The following IL1RL1 variants were observed in gnomAD, a reference collection of about 807,000 sequenced individuals.
IL1RL1 encodes the protein interleukin 1 receptor like 1, also known as interleukin-1 receptor-like 1.
IL1RL1 carries 32 observed loss-of-function variants against 50.9 expected under a neutral mutation model. The observed-to-expected ratio is 0.63, with a 90% CI of 0.47 to 0.84. IL1RL1 has a LOEUF of 0.84. IL1RL1 is among the 40% of genes least tolerant of loss of function. The pLI, the probability that IL1RL1 is intolerant of heterozygous loss-of-function variation, is 0.00. For synonymous variants in IL1RL1, 275 were observed against 236.0 expected (o/e 1.17, Z -1.51); for missense variants, 773 against 662.9 (o/e 1.17, Z -1.82).
At chr2:102,324,879 G>T (rs191453763) in intron 1 of IL1RL1, among the ~76,000 whole-genome samples, 2 of 152,194 alleles carry the variant, frequency 1.3e-5, no homozygotes, top group Admixed American at 6.5e-5. Flanking sequence ...AGAGCCCACT[G>T]CAGCTCAAGG....
At chr2:102,322,968 T>G (rs538924314) in intron 1 of IL1RL1, among the ~76,000 whole-genome samples, 2 of 152,296 alleles carry the variant, frequency 1.3e-5, no homozygotes, top group East Asian at 3.9e-4. Context: ...TTTTTTTGTT[T>G]GGAAATGAAC....
rs1233936431 is a variant in IL1RL1 at position 102,351,877 on chromosome 2, A to T, written c.1627A>T (p.Arg543Ter). 4 of 1,613,720 alleles carry T rather than the reference A, an allele frequency of 2.5e-6. No individual in the cohort carries two copies. The highest frequency in any genetic ancestry group is 3.4e-6 in the Non-Finnish European group (4 of 1,179,868). ...YQMPVPSKIP[R>*]KASSLTPLAA... ...AATGCCTGTGCCAAGCAAAATTCCC[A>T]GAAAGGCCTCTAGTTTGACTCCCTT... Residue 543 changes from arginine (R) to a stop codon, truncating the protein, a stop_gained, in exon 11 of 11, where the codon AGA becomes TGA. Transcript: ENST00000233954. LOFTEE classifies it low-confidence loss of function (END_TRUNC).
chr2:102,347,070 T>A (rs1677805212), intron 8 of IL1RL1, among the ~76,000 whole-genome samples: 1 of 152,210 alleles, frequency 6.6e-6, no homozygotes, highest in Non-Finnish European at 1.5e-5. Flanking sequence ...GACTTTTGAA[T>A]TCTTTATCAA....
chr2:102,313,071 C>G (rs1301964277), intron 1 of IL1RL1: 1 of 152,066 alleles, frequency 6.6e-6, no homozygotes. Context: ...AAGCTCTGGA[C>G]TAATGCAGAT....
intron 1 of IL1RL1, among the ~76,000 whole-genome samples, chr2:102,334,263 G>A (rs964637000): frequency 2.3e-4 from 35 of 152,070 alleles, no homozygotes; most frequent in Non-Finnish European, 4.3e-4. Flanking sequence ...TTGAGTTTTT[G>A]ATAATAGCCA....
intron 1 of IL1RL1, among the ~76,000 whole-genome samples, chr2:102,337,826 T>A (rs1248081451): frequency 6.6e-6 from 1 of 152,220 alleles, no homozygotes; most frequent in African/African-American, 2.4e-5. Context: ...TAGAAACTCA[T>A]ATTCTTTCCT....
At chr2:102,344,382 A>C in intron 8 of IL1RL1, 1 of 967,516 alleles carries the variant, frequency 1.0e-6, no homozygotes, top group Non-Finnish European at 1.2e-6. Context: ...AAAGTATTTA[A>C]GGTACATGGA....
At chr2:102,336,488 C>T (rs995093739) in intron 1 of IL1RL1, among the ~76,000 whole-genome samples, 13 of 152,172 alleles carry the variant, frequency 8.5e-5, no homozygotes, top group Admixed American at 8.5e-4. Flanking sequence ...GATGTGATGA[C>T]TTATAAACGT....
chr2:102,345,286 C>T lies in IL1RL1; in HGVS notation c.970+1871C>T, dbSNP rs73004227. The T allele has an allele frequency of 6.3e-3, 6,188 of 985,376 alleles. 260 individuals are homozygous for T. In the African/African-American group the frequency reaches 0.097, roughly 15 times the overall value. The allele number at this position is 985,376 out of a possible 1,614,324, so 61.0% of individuals were successfully genotyped here. A position where few individuals can be genotyped will look rare whatever the true frequency, so the allele number is the denominator to read the frequency against. On this transcript the variant is annotated intron_variant, in intron 8 of 10. Coordinates refer to ENST00000233954, the MANE Select transcript of IL1RL1 (RefSeq NM_016232.5). ...AATGTTGTCTTGGAAAACAGCTTTC[C>T]AAGCATTTCACTCCTGAGCACTTGC...
chr2:102,332,555 A>G (rs952055788), intron 1 of IL1RL1, among the ~76,000 whole-genome samples: 1 of 152,220 alleles, frequency 6.6e-6, no homozygotes, highest in Non-Finnish European at 1.5e-5. Flanking sequence ...GGCAGTCACA[A>G]AGGGCACTTA....
At chr2:102,336,285 G>T (rs1183225651) in intron 1 of IL1RL1, among the ~76,000 whole-genome samples, 1 of 152,140 alleles carries the variant, frequency 6.6e-6, no homozygotes, top group African/African-American at 2.4e-5. Context: ...ATCTCTCTGT[G>T]CCTCAGTGTC....
intron 1 of IL1RL1, among the ~76,000 whole-genome samples, chr2:102,322,114 T>C (rs985243333): frequency 2.0e-5 from 3 of 152,212 alleles, no homozygotes; most frequent in Admixed American, 2.0e-4. Flanking sequence ...GCTGGCAGAC[T>C]GGAAATTCAG....
intron 10 of IL1RL1, among the ~76,000 whole-genome samples, chr2:102,351,083 G>C (rs76887186): frequency 0.014 from 2,089 of 152,258 alleles, 52 homozygotes; most frequent in African/African-American, 0.048. Context: ...TACTTTCCTA[G>C]AGACTTTGGA....
chr2:102,339,289 A>G, intron 3 of IL1RL1: 1 of 432,710 alleles, frequency 2.3e-6, no homozygotes. Flanking sequence ...GACTTAGAGA[A>G]AAACCTAGCT....
intron 1 of IL1RL1, among the ~76,000 whole-genome samples, chr2:102,323,527 A>T (rs1573133623): frequency 6.6e-6 from 1 of 152,068 alleles, no homozygotes; most frequent in Admixed American, 6.6e-5. Context: ...GGCTGCTTCC[A>T]ATCCTGGTGG....
At chr2:102,343,237 G>A (rs376290660) in intron 7 of IL1RL1, 33 bp from the exon 8 acceptor site, 2 of 1,614,130 alleles carry the variant, frequency 1.2e-6, no homozygotes, top group African/African-American at 2.7e-5. Flanking sequence ...CACCTGCAAA[G>A]TAGGCATTAA....
intron 10 of IL1RL1, among the ~76,000 whole-genome samples, chr2:102,351,268 C>G (rs1346429682): frequency 1.3e-5 from 2 of 152,132 alleles, no homozygotes; most frequent in Admixed American, 6.6e-5. Flanking sequence ...TTTACATTCC[C>G]ATTTACTTGG....
chr2:102,329,158 A>G (rs1172603334), intron 1 of IL1RL1, among the ~76,000 whole-genome samples: 1 of 152,242 alleles, frequency 6.6e-6, no homozygotes, highest in African/African-American at 2.4e-5. Flanking sequence ...TCAATGGAAC[A>G]GAACAGAGCC....
chr2:102,324,007 G>T (rs1676916670), intron 1 of IL1RL1, among the ~76,000 whole-genome samples: 1 of 128,938 alleles, frequency 7.8e-6, no homozygotes, highest in African/African-American at 2.8e-5. Flanking sequence ...AGATTCATCA[G>T]TAGTTCTTTT....
Sources: allele counts gnomAD v4.1 joint callset (sites outside exome capture counted in the v4.1 genomes callset), GRCh38; gene constraint gnomAD v4.1.1; transcripts MANE v1.5; gene names NCBI Gene and HGNC (gene_info 2026-07-23, HGNC 2026-07-21).